The following OXCT1 variants were observed in gnomAD, a reference collection of about 807,000 sequenced individuals.
OXCT1 encodes 3-oxoacid CoA-transferase 1, also known as succinyl-CoA:3-ketoacid coenzyme A transferase 1, mitochondrial.
In OXCT1, 27 loss-of-function variants were observed where a neutral mutation model predicts 69.6. That is an observed-to-expected ratio of 0.39 (90% CI 0.29 to 0.54). OXCT1 has a LOEUF of 0.54. Among genes scored for constraint, OXCT1 ranks in the 20% least tolerant of loss-of-function variants. The pLI is 0.72. For missense variants in OXCT1, 437 were observed against 650.2 expected (o/e 0.67, Z 3.57); for synonymous variants, 202 against 217.8 (o/e 0.93, Z 0.64).
intron 5 of OXCT1, among the ~76,000 whole-genome samples, 175 bp from the exon 6 acceptor site, chr5:41,842,956 A>T (rs993627244): frequency 1.3e-5 from 2 of 152,234 alleles, no homozygotes; most frequent in East Asian, 3.8e-4. Flanking sequence ...GGACTTAGTC[A>T]AAGTGGTCTA....
intron 7 of OXCT1, among the ~76,000 whole-genome samples, chr5:41,822,860 T>C (rs918374930): frequency 6.6e-6 from 1 of 152,218 alleles, no homozygotes; most frequent in Non-Finnish European, 1.5e-5. Flanking sequence ...GGATTTCTTA[T>C]AGACAACATA....
chr5:41,750,211 A>G (rs943429447), intron 14 of OXCT1, among the ~76,000 whole-genome samples: 11 of 149,196 alleles, frequency 7.4e-5, no homozygotes, highest in African/African-American at 2.7e-4. Context: ...CCACTTTTAA[A>G]ATACTATGTT....
intron 13 of OXCT1, among the ~76,000 whole-genome samples, chr5:41,764,171 T>G (rs1744485839): frequency 6.6e-6 from 1 of 152,156 alleles, no homozygotes; most frequent in South Asian, 2.1e-4. Context: ...ATTTAATGCT[T>G]GTTTCCAAGA....
At chr5:41,869,590 C>G (rs1010180646) in intron 1 of OXCT1, among the ~76,000 whole-genome samples, 12 of 152,192 alleles carry the variant, frequency 7.9e-5, no homozygotes, top group East Asian at 7.7e-4. Flanking sequence ...ATACGAGGGG[C>G]CTCGAGAGAA....
At chr5:41,853,329 C>T (rs1471562940) in intron 4 of OXCT1, 90 bp downstream of exon 4, 1 of 1,191,746 alleles carries the variant, frequency 8.4e-7, no homozygotes, top group South Asian at 1.3e-5. Flanking sequence ...TTCCTTCTGC[C>T]TTACCTCTTT....
chr5:41,782,789 A>G (rs1745471452), intron 13 of OXCT1, among the ~76,000 whole-genome samples: 2 of 152,182 alleles, frequency 1.3e-5, no homozygotes, highest in Admixed American at 1.3e-4. Context: ...GATGTTTTTC[A>G]AAGGTAAACT....
chr5:41,800,968 T>C (rs534809629), intron 11 of OXCT1, 54 bp downstream of exon 11: 75 of 1,446,126 alleles, frequency 5.2e-5, no homozygotes, highest in African/African-American at 4.3e-4. Flanking sequence ...CAAACTCTTA[T>C]TATGTAGCAC....
At position 41,830,715 on chromosome 5, in the gene OXCT1, C is replaced by A. The variant is rs191452312; in HGVS notation, c.732+9736G>T. 1.8e-3 allele frequency among the ~76,000 whole-genome samples: 280 copies of A among 152,242 alleles called. 4 individuals carry two copies. The highest frequency in any genetic ancestry group is 6.3e-3 in the African/African-American group (262 of 41,554). On this transcript the variant is annotated intron_variant, in intron 7 of 16. Coordinates refer to ENST00000196371, the MANE Select transcript of OXCT1 (RefSeq NM_000436.4). ...CTTTGTCTTATCTGGACAGAAGCTT[C>A]ATTTTTCTTCCTATCCCAACATTCT...
At chr5:41,742,314 ACTAAAAC>A (rs1457286494) in intron 15 of OXCT1, among the ~76,000 whole-genome samples, 1 of 152,228 alleles carries the variant, frequency 6.6e-6, no homozygotes, top group Non-Finnish European at 1.5e-5. Flanking sequence ...AAAAATGGAG[ACTAAAAC>A]CTAAAAGTCA....
intron 7 of OXCT1, among the ~76,000 whole-genome samples, chr5:41,826,846 T>A (rs1747830230): frequency 6.6e-6 from 1 of 152,118 alleles, no homozygotes; most frequent in Admixed American, 6.6e-5. Flanking sequence ...AAGAAGCCAA[T>A]CAATCCTAAG....
In OXCT1 at chr5:41,819,037, A is replaced by G. The variant is rs532423755; in HGVS notation, c.733-11599T>C. ...GACTAGATCTATATTTGAAGTTGGAAAAAATACCATTTTTTGACAAGGTCT... is the reference window on the plus strand; with the variant it reads ...GACTAGATCTATATTTGAAGTTGGAGAAAATACCATTTTTTGACAAGGTCT... On this transcript the variant is annotated intron_variant, in intron 7 of 16. Coordinates refer to ENST00000196371, the MANE Select transcript of OXCT1 (RefSeq NM_000436.4). Among the ~76,000 whole-genome samples, 7 of 152,304 alleles carry G rather than the reference A, an allele frequency of 4.6e-5. No homozygotes were observed. In the East Asian group the frequency reaches 1.2e-3, roughly 25 times the overall value.
intron 3 of OXCT1, among the ~76,000 whole-genome samples, chr5:41,854,697 T>C (rs1009385235): frequency 6.6e-6 from 1 of 152,098 alleles, no homozygotes; most frequent in Non-Finnish European, 1.5e-5. Context: ...GGGAAGTATT[T>C]TTCGTAGCAA....
intron 5 of OXCT1, among the ~76,000 whole-genome samples, chr5:41,847,855 T>G (rs1217709386): frequency 2.0e-5 from 3 of 149,588 alleles, no homozygotes; most frequent in Non-Finnish European, 4.5e-5. Flanking sequence ...AAGCATTCCC[T>G]TTGAAAACTG....
intron 7 of OXCT1, among the ~76,000 whole-genome samples, chr5:41,840,212 G>T (rs1028406698): frequency 6.6e-6 from 1 of 152,090 alleles, no homozygotes; most frequent in Non-Finnish European, 1.5e-5. Context: ...TTTATAAGCT[G>T]GTCCCATTGC....
intron 7 of OXCT1, among the ~76,000 whole-genome samples, chr5:41,818,534 AAG>A (rs1213272516): frequency 1.3e-5 from 2 of 152,350 alleles, no homozygotes; most frequent in East Asian, 1.9e-4. Flanking sequence ...AAAAATTCAC[AAG>A]AGAGTTCACT....
chr5:41,844,368 C>T (rs1326125607), intron 5 of OXCT1, among the ~76,000 whole-genome samples: 1 of 152,102 alleles, frequency 6.6e-6, no homozygotes, highest in Non-Finnish European at 1.5e-5. Flanking sequence ...AATTCCAGGC[C>T]CTGTATTACC....
chr5:41,813,646 C>T (rs953669816), intron 7 of OXCT1, among the ~76,000 whole-genome samples: 1 of 152,050 alleles, frequency 6.6e-6, no homozygotes, highest in African/African-American at 2.4e-5. Flanking sequence ...ATCCCTTTCT[C>T]TAACAGAGAA....
rs546646302 is a variant in OXCT1 at position 41,782,219 on chromosome 5, C to CT, written c.1248+11783dup. On this transcript the variant is annotated intron_variant, in intron 13 of 16. Coordinates refer to ENST00000196371, the MANE Select transcript of OXCT1 (RefSeq NM_000436.4). Reference sequence around the variant, plus strand: ...TTCTCTAATGATCAGTGATGTTGAGCTTTTTTTTTTTTTTAAATGGAGTCT... The same window carrying CT: ...TTCTCTAATGATCAGTGATGTTGAGCTTTTTTTTTTTTTTTAAATGGAGTCT... Among the ~76,000 whole-genome samples, 348 of 136,570 alleles carry CT rather than the reference C, an allele frequency of 2.5e-3. 2 individuals are homozygous for CT. The highest frequency in any genetic ancestry group is 7.6e-3 in the African/African-American group (283 of 37,052). 89.6% of individuals were successfully genotyped at this position (136,570 alleles called of 152,430 possible).
At chr5:41,749,422 T>A in intron 15 of OXCT1, 105 bp downstream of exon 15, 1 of 708,154 alleles carries the variant, frequency 1.4e-6, no homozygotes. Context: ...GCCCACAGAC[T>A]AAATTAATCC....
Sources: allele counts gnomAD v4.1 joint callset (sites outside exome capture counted in the v4.1 genomes callset), GRCh38; gene constraint gnomAD v4.1.1; transcripts MANE v1.5; gene names NCBI Gene and HGNC (gene_info 2026-07-23, HGNC 2026-07-21).